The following FBRSL1 variants were observed in gnomAD, a reference collection of about 807,000 sequenced individuals.
FBRSL1 encodes fibrosin-1-like protein.
In FBRSL1, 51 loss-of-function variants were observed where a neutral mutation model predicts 89.6. The observed-to-expected ratio is 0.57, with a 90% CI of 0.45 to 0.72. The LOEUF is 0.72. FBRSL1 is among the 30% of genes least tolerant of loss of function. The pLI, the probability that FBRSL1 is intolerant of heterozygous loss-of-function variation, is 0.00. For missense variants in FBRSL1, 1,618 were observed against 1,451.8 expected (o/e 1.11, Z -1.86); for synonymous variants, 779 against 681.1 (o/e 1.14, Z -2.24).
At chr12:132,574,468 A>C in intron 13 of FBRSL1, 25 bp from the exon 14 acceptor site, 1 of 1,549,476 alleles carries the variant, frequency 6.5e-7, no homozygotes, top group Non-Finnish European at 8.7e-7. Context: ...CACCAGCCCC[A>C]CTGAGCGCTT....
chr12:132,574,038 C>G (rs1483805021), intron 11 of FBRSL1, 52 bp from the exon 12 acceptor site: 6 of 1,179,546 alleles, frequency 5.1e-6, no homozygotes, highest in Admixed American at 4.2e-5. Flanking sequence ...CCGAGGCGTC[C>G]TCCTGCCTGG....
At chr12:132,510,696 G>A (rs1000254489) in intron 2 of FBRSL1, 9 of 1,222,058 alleles carry the variant, frequency 7.4e-6, no homozygotes, top group South Asian at 8.6e-5. Flanking sequence ...ATGAACCCGC[G>A]TCTGCCTGCC....
chr12:132,558,443 G>T (rs113042462), intron 5 of FBRSL1, among the ~76,000 whole-genome samples: 2,616 of 152,368 alleles, frequency 0.017, 21 homozygotes, highest in Non-Finnish European at 0.027. Context: ...CATGCAGTGC[G>T]CCCGGAAGTG....
At chr12:132,528,119 A>C (rs544677143) in intron 4 of FBRSL1, 131 bp downstream of exon 4, 1 of 820,982 alleles carries the variant, frequency 1.2e-6, no homozygotes, top group East Asian at 2.7e-5. Context: ...CTGGAGCCCC[A>C]GACTGGTTCT....
intron 5 of FBRSL1, among the ~76,000 whole-genome samples, chr12:132,561,074 C>T (rs968212830): frequency 2.0e-5 from 3 of 152,156 alleles, no homozygotes; most frequent in African/African-American, 7.2e-5. Flanking sequence ...GGGCCGGCCC[C>T]TGTTCTGCTC....
intron 4 of FBRSL1, among the ~76,000 whole-genome samples, chr12:132,547,567 C>T (rs920404637): frequency 6.8e-6 from 1 of 146,228 alleles, no homozygotes; most frequent in Non-Finnish European, 1.5e-5. Context: ...GTGGTGCCAT[C>T]GATCCCCTCA....
chr12:132,583,663 C>A lies in FBRSL1; in HGVS notation c.2894C>A (p.Pro965His). Residue 965 changes from proline to histidine, a missense_variant, in exon 19 of 19, where the codon CCC becomes CAC. Transcript: ENST00000680143. ...CCCCCCCTGGTGACGGCGGCCGGGC[C>A]CCCCACGCCCCCCGGGCCGCCGCGG... ...APPPLVTAAG[P>H]PTPPGPPRSR... 1 of 1,083,882 alleles carries A rather than the reference C, an allele frequency of 9.2e-7. No individual in the cohort carries two copies. The highest frequency in any genetic ancestry group is 1.1e-6 in the Non-Finnish European group (1 of 892,220). 67.1% of individuals were successfully genotyped at this position (1,083,882 alleles called of 1,614,324 possible).
chr12:132,537,473 A>G (rs987370754), intron 4 of FBRSL1, among the ~76,000 whole-genome samples: 2 of 152,154 alleles, frequency 1.3e-5, no homozygotes, highest in African/African-American at 4.8e-5. Context: ...TCGCAGTGCA[A>G]ATGCCAGTCC....
intron 3 of FBRSL1, among the ~76,000 whole-genome samples, chr12:132,526,173 C>T (rs1207489152): frequency 3.3e-5 from 5 of 152,364 alleles, no homozygotes; most frequent in African/African-American, 7.2e-5. Context: ...AAGCCTTGGA[C>T]GCTGTGCCTG....
intron 1 of FBRSL1, among the ~76,000 whole-genome samples, chr12:132,501,874 A>C (rs1401756500): frequency 6.6e-6 from 1 of 152,226 alleles, no homozygotes; most frequent in Non-Finnish European, 1.5e-5. Context: ...ATCTCTGCTC[A>C]CAGGGTCCTG....
intron 5 of FBRSL1, among the ~76,000 whole-genome samples, chr12:132,559,752 T>C (rs2137591748): frequency 6.6e-6 from 1 of 152,300 alleles, no homozygotes; most frequent in South Asian, 2.1e-4. Flanking sequence ...CAGGTGTCCG[T>C]AACTTCTTGT....
intron 2 of FBRSL1, among the ~76,000 whole-genome samples, chr12:132,525,019 G>A (rs771095006): frequency 2.0e-5 from 3 of 152,064 alleles, no homozygotes; most frequent in Non-Finnish European, 4.4e-5. Context: ...GCCCTGGCAC[G>A]CATCGGCGCC....
In FBRSL1 at chr12:132,584,991, C is replaced by G. The variant is rs1037465655; in HGVS notation, c.*1213C>G. The G allele has an allele frequency of 1.3e-5, 2 of 152,084 alleles. No individual in the cohort carries two copies. The highest frequency in any genetic ancestry group is 4.8e-5 in the African/African-American group (2 of 41,400). The allele number at this position is 152,084 out of a possible 1,614,324, so 9.4% of individuals were successfully genotyped here. On this transcript the variant is annotated 3_prime_UTR_variant, in exon 19 of 19. Coordinates refer to ENST00000680143, the MANE Select transcript of FBRSL1 (RefSeq NM_001367871.1). Reference sequence around the variant, plus strand: ...ACATGAGCCCCCCCATGCCCTGCCCCCCTTGCGGCCTTTTGTGTTCCCCGA... The same window carrying G: ...ACATGAGCCCCCCCATGCCCTGCCCGCCTTGCGGCCTTTTGTGTTCCCCGA...
intron 18 of FBRSL1, among the ~76,000 whole-genome samples, 198 bp downstream of exon 18, chr12:132,582,464 C>G (rs2040840199): frequency 6.6e-6 from 1 of 151,100 alleles, no homozygotes; most frequent in Non-Finnish European, 1.5e-5. Flanking sequence ...CTGCTGCGCA[C>G]TCACAGTCTG....
At chr12:132,505,373 C>T (rs2033555273) in intron 1 of FBRSL1, among the ~76,000 whole-genome samples, 1 of 152,164 alleles carries the variant, frequency 6.6e-6, no homozygotes, top group Non-Finnish European at 1.5e-5. Context: ...TGTTGCCTAG[C>T]TTACAAATGA....
At chr12:132,529,026 C>T (rs2036037852) in intron 4 of FBRSL1, among the ~76,000 whole-genome samples, 1 of 152,218 alleles carries the variant, frequency 6.6e-6, no homozygotes, top group Admixed American at 6.5e-5. Context: ...TTTCATTTTC[C>T]CTTAAGTATC....
At chr12:132,504,079 G>A (rs1436172810) in intron 1 of FBRSL1, among the ~76,000 whole-genome samples, 1 of 152,162 alleles carries the variant, frequency 6.6e-6, no homozygotes, top group African/African-American at 2.4e-5. Context: ...AAGCAGAGGG[G>A]CCTGCCAGGG....
chr12:132,574,638 T>G, intron 14 of FBRSL1, 74 bp downstream of exon 14: 1 of 1,500,354 alleles, frequency 6.7e-7, no homozygotes, highest in Non-Finnish European at 8.9e-7. Context: ...AGGCCAGGCA[T>G]GAGGCTGTGT....
At chr12:132,523,620 ACCAC>A in intron 2 of FBRSL1, among the ~76,000 whole-genome samples, 1 of 152,188 alleles carries the variant, frequency 6.6e-6, no homozygotes, top group South Asian at 2.1e-4. Flanking sequence ...AGCAGCCTGC[ACCAC>A]TATACTCAGC....
Sources: allele counts gnomAD v4.1 joint callset (sites outside exome capture counted in the v4.1 genomes callset), GRCh38; gene constraint gnomAD v4.1.1; transcripts MANE v1.5; gene names NCBI Gene and HGNC (gene_info 2026-07-23, HGNC 2026-07-21).